The following HCN1 variants were observed in gnomAD, a reference collection of about 807,000 sequenced individuals.
HCN1 encodes potassium/sodium hyperpolarization-activated cyclic nucleotide-gated channel 1.
HCN1 carries 13 observed loss-of-function variants against 78.9 expected under a neutral mutation model. The observed-to-expected ratio is 0.16, with a 90% confidence interval of 0.11 to 0.26. HCN1 has a LOEUF of 0.26. Among genes scored for constraint, HCN1 ranks in the 10% least tolerant of loss-of-function variants. The pLI is 1.00. For synonymous variants in HCN1, 552 were observed against 455.5 expected (o/e 1.21, Z -2.70); for missense variants, 810 against 1,154.3 (o/e 0.70, Z 4.32).
chr5:45,548,590 C>A (rs1017854632), intron 2 of HCN1, among the ~76,000 whole-genome samples: 2 of 152,158 alleles, frequency 1.3e-5, no homozygotes, highest in East Asian at 3.9e-4. Flanking sequence ...TGGCACAAGA[C>A]AGGGATGCCC....
At chr5:45,537,102 T>C (rs1177326477) in intron 2 of HCN1, among the ~76,000 whole-genome samples, 2 of 152,224 alleles carry the variant, frequency 1.3e-5, no homozygotes, top group African/African-American at 4.8e-5. Context: ...TTCTAAGGTA[T>C]GCCCTCTGAC....
Position 45,525,001 on chromosome 5 carries a change from A to T in HCN1, c.850-62994T>A, listed in dbSNP as rs377053719. Among the ~76,000 whole-genome samples, 51 of 152,214 alleles carry T rather than the reference A, an allele frequency of 3.4e-4. 1 individual carries two copies. In the East Asian group the frequency reaches 7.7e-3, roughly 23 times the overall value. ...ATGATATTGGCTGTGGGTTTGTCAT[A>T]AATAGCTCTTATTATTTTGAGATAC... On this transcript the variant is annotated intron_variant, in intron 2 of 7. Coordinates refer to ENST00000303230, the MANE Select transcript of HCN1 (RefSeq NM_021072.4).
Position 45,262,396 on chromosome 5 carries a change from T to C in HCN1, c.2198A>G (p.Gln733Arg). 1 of 1,611,724 alleles carries C rather than the reference T, an allele frequency of 6.2e-7. No individual in the cohort carries two copies. The highest frequency in any genetic ancestry group is 2.2e-5 in the East Asian group (1 of 44,856). ...TASQLSLMQQ[Q>R]PQQQVQQSQP... ...GGACTGCTGTACCTGCTGCTGCGGCTGCTGTTGCATGAGTGACAGCTGGGA... is the reference window on the plus strand; with the variant it reads ...GGACTGCTGTACCTGCTGCTGCGGCCGCTGTTGCATGAGTGACAGCTGGGA... The change falls in exon 8 of 8, where the codon CAG (glutamine) becomes CGG (arginine). Residue 733 changes from glutamine to arginine, a missense_variant. Transcript: ENST00000303230.
intron 6 of HCN1, among the ~76,000 whole-genome samples, chr5:45,279,088 A>G (rs1745114330): frequency 6.6e-6 from 1 of 152,194 alleles, no homozygotes; most frequent in Non-Finnish European, 1.5e-5. Context: ...GGCAAATAAA[A>G]TCTGGAAAGA....
At chr5:45,461,097 A>G (rs974998681) in intron 3 of HCN1, among the ~76,000 whole-genome samples, 2 of 152,002 alleles carry the variant, frequency 1.3e-5, no homozygotes, top group African/African-American at 4.8e-5. Flanking sequence ...AAGAACAAAC[A>G]TTTGTGAACA....
intron 3 of HCN1, among the ~76,000 whole-genome samples, chr5:45,425,334 T>C (rs1740323172): frequency 6.6e-6 from 1 of 152,232 alleles, no homozygotes; most frequent in Non-Finnish European, 1.5e-5. Flanking sequence ...AATTCATTTA[T>C]TTGATCATTT....
chr5:45,367,653 T>C (rs761975033), intron 4 of HCN1, among the ~76,000 whole-genome samples: 5 of 151,898 alleles, frequency 3.3e-5, no homozygotes, highest in Non-Finnish European at 7.4e-5. Context: ...AATCTAAAAT[T>C]TGACTGGCTT....
intron 2 of HCN1, among the ~76,000 whole-genome samples, chr5:45,469,969 T>C (rs571740187): frequency 1.3e-5 from 2 of 152,154 alleles, no homozygotes; most frequent in Non-Finnish European, 2.9e-5. Flanking sequence ...CCTGTCACCA[T>C]TTTAAGTCTA....
At chr5:45,350,940 G>T (rs1431249937) in intron 5 of HCN1, among the ~76,000 whole-genome samples, 7 of 152,092 alleles carry the variant, frequency 4.6e-5, no homozygotes, top group Admixed American at 1.3e-4. Flanking sequence ...CGTGAAAATG[G>T]CCATACTGCC....
At chr5:45,347,629 C>T (rs1443330175) in intron 5 of HCN1, among the ~76,000 whole-genome samples, 52 of 151,898 alleles carry the variant, frequency 3.4e-4, no homozygotes, top group South Asian at 2.1e-4. Flanking sequence ...AAAATTTAGA[C>T]GAATGTATAA....
chr5:45,663,404 C>T (rs1745962344), intron 1 of HCN1, among the ~76,000 whole-genome samples: 1 of 129,558 alleles, frequency 7.7e-6, no homozygotes, highest in African/African-American at 3.0e-5. Context: ...TGGGCAAGGA[C>T]TTCATGTCCA....
intron 2 of HCN1, among the ~76,000 whole-genome samples, chr5:45,466,238 A>G (rs568901322): frequency 6.6e-6 from 1 of 152,132 alleles, no homozygotes; most frequent in Non-Finnish European, 1.5e-5. Flanking sequence ...TCGGTCTTTC[A>G]ATCTAATAGC....
chr5:45,342,883 C>G (rs2111967411), intron 5 of HCN1, among the ~76,000 whole-genome samples: 1 of 151,916 alleles, frequency 6.6e-6, no homozygotes. Flanking sequence ...ACTTTCAAGA[C>G]AAAAGTGGAG....
At position 45,396,747 on chromosome 5, in the gene HCN1, T is replaced by A. The variant is rs113964925; in HGVS notation, c.1012-37A>T. 6.9e-4 allele frequency: 1,045 copies of A among 1,514,622 alleles called. 11 individuals carry two copies. The African/African-American group carries it at 0.012, about 18-fold the overall frequency. 93.8% of individuals were successfully genotyped at this position (1,514,622 alleles called of 1,614,324 possible). ...GATAAAAAGAAAATTGACTGAGCCA[T>A]TAGGATGGCAGAATGAAAAGTGAGT... On this transcript the variant is annotated intron_variant, in intron 3 of 7. Transcript: ENST00000303230.
chr5:45,422,106 A>C (rs1456651452), intron 3 of HCN1, among the ~76,000 whole-genome samples: 1 of 152,188 alleles, frequency 6.6e-6, no homozygotes. Context: ...CATGTGTGGA[A>C]GAAAGGAATA....
chr5:45,463,953 GA>G (rs1292995800), intron 2 of HCN1, among the ~76,000 whole-genome samples: 1 of 151,988 alleles, frequency 6.6e-6, no homozygotes, highest in Non-Finnish European at 1.5e-5. Flanking sequence ...ATAACTATCT[GA>G]AAATATTACA....
At chr5:45,550,635 T>TAA (rs1743346933) in intron 2 of HCN1, among the ~76,000 whole-genome samples, 2 of 152,090 alleles carry the variant, frequency 1.3e-5, no homozygotes, top group Non-Finnish European at 2.9e-5. Flanking sequence ...CCCTAAAACT[T>TAA]AAAGTATAAT....
chr5:45,593,960 G>C (rs1416912134), intron 2 of HCN1, among the ~76,000 whole-genome samples: 4 of 152,136 alleles, frequency 2.6e-5, no homozygotes, highest in Non-Finnish European at 5.9e-5. Flanking sequence ...ACAGGCATCA[G>C]CCACCATGCC....
intron 2 of HCN1, among the ~76,000 whole-genome samples, chr5:45,487,479 C>T (rs994808671): frequency 2.0e-5 from 3 of 152,000 alleles, no homozygotes; most frequent in Admixed American, 2.0e-4. Context: ...TAGAGCAATG[C>T]ATGGTGGCCC....
Sources: gnomAD v4.1 joint callset for allele counts (sites outside exome capture counted in the v4.1 genomes callset) on GRCh38, gnomAD v4.1.1 for gene constraint, MANE v1.5 for transcripts, NCBI Gene and HGNC (gene_info 2026-07-23, HGNC 2026-07-21) for gene names.